Variants in TPM3 observed in about 807,000 individuals in gnomAD.
The protein encoded by TPM3 is tropomyosin alpha-3 chain.
Under a neutral mutation model 43.1 loss-of-function variants are expected in TPM3, and 16 were observed. The ratio of observed to expected loss-of-function variants is 0.37; its 90% CI spans 0.25 to 0.56. The LOEUF is 0.56. TPM3 is among the 20% of genes least tolerant of loss of function. The probability of loss-of-function intolerance (pLI) is 0.77; values close to 1 mark genes in which losing one functional copy is unlikely to be tolerated. For missense variants in TPM3, 176 were observed against 337.2 expected (o/e 0.52, Z 3.74); for synonymous variants, 101 against 116.9 (o/e 0.86, Z 0.88).
At chr1:154,168,306 G>A (rs1219253179) in intron 9 of TPM3, among the ~76,000 whole-genome samples, 5 of 152,172 alleles carry the variant, frequency 3.3e-5, no homozygotes, top group African/African-American at 1.2e-4. Context: ...ACACCCAGGA[G>A]GCCTGAATTT....
intron 2 of TPM3, chr1:154,183,531 C>G (rs997688397): frequency 3.5e-5 from 13 of 369,640 alleles, no homozygotes; most frequent in Admixed American, 2.3e-4. Context: ...CCCTCACTCC[C>G]GCAATGCCGA....
rs752733942 is a variant in TPM3 at position 154,172,914 on chromosome 1, G to C, written c.560C>G (p.Ala187Gly). Residue 187 changes from alanine to glycine, a missense_variant, in exon 5 of 10, where the codon GCA becomes GGA. Coordinates refer to ENST00000651641, the MANE Select transcript of TPM3 (RefSeq NM_152263.4). ...LERTEERAELAESKCSELEEE... is the reference protein window; with the variant it reads ...LERTEERAELGESKCSELEEE... Reference sequence around the variant, plus strand: ...TGGGGAGCTAGATACTCACGACTCTGCCAGCTCAGCTCGTTCCTCTGTGCG... The same window carrying C: ...TGGGGAGCTAGATACTCACGACTCTCCCAGCTCAGCTCGTTCCTCTGTGCG... 1.9e-6 allele frequency: 3 copies of C among 1,614,180 alleles called. No individual in the cohort carries two copies. The highest frequency in any genetic ancestry group is 1.7e-6 in the Non-Finnish European group (2 of 1,180,032).
Position 154,174,407 on chromosome 1 carries a change from T to TATATATACAC in TPM3, c.378-1207_378-1206insGTGTATATAT, listed in dbSNP as rs1261318136. 9.1e-3 allele frequency among the ~76,000 whole-genome samples: 659 copies of TATATATACAC among 72,450 alleles called. 8 individuals are homozygous for TATATATACAC. Among genetic ancestry groups the TATATATACAC allele is most frequent in the African/African-American group, 0.017 (335 of 19,852 alleles). The allele number at this position is 72,450 out of a possible 152,430, so 47.5% of individuals were successfully genotyped here. A position where few individuals can be genotyped will look rare whatever the true frequency, so the allele number is the denominator to read the frequency against. On this transcript the variant is annotated intron_variant, in intron 3 of 9. Transcript: ENST00000651641. ...ATATATATATATATATATATATATA[T>TATATATACAC]ACACACAAAAATCCCATCCCAGCTT...
downstream of TPM3, chr1:154,156,537 T>G (rs554023185): frequency 2.5e-5 from 5 of 202,128 alleles, no homozygotes; most frequent in Non-Finnish European, 5.1e-5. Context: ...CCTAGAAACC[T>G]TACCAGAAAA....
At chr1:154,189,847 G>A (rs1571453759) in intron 2 of TPM3, among the ~76,000 whole-genome samples, 1 of 151,348 alleles carries the variant, frequency 6.6e-6, no homozygotes, top group Non-Finnish European at 1.5e-5. Context: ...GAAACCGGAT[G>A]GCAGAGAGAC....
chr1:154,181,477 A>T (rs1558059082), intron 2 of TPM3, among the ~76,000 whole-genome samples: 4 of 152,222 alleles, frequency 2.6e-5, no homozygotes, highest in Non-Finnish European at 2.9e-5. Context: ...GAATTTTAGC[A>T]ACAGTTACTT....
intron 3 of TPM3, among the ~76,000 whole-genome samples, chr1:154,174,388 A>ATGTGTG (rs1662016028): frequency 9.7e-6 from 1 of 103,098 alleles, no homozygotes; most frequent in African/African-American, 4.3e-5. Context: ...ATATATATAT[A>ATGTGTG]TATATATATA....
At chr1:154,181,784 G>C (rs1046561322) in intron 2 of TPM3, among the ~76,000 whole-genome samples, 14 of 152,134 alleles carry the variant, frequency 9.2e-5, no homozygotes, top group Non-Finnish European at 1.6e-4. Flanking sequence ...AGCCAGACTT[G>C]GTGGCGGGCA....
chr1:154,191,238 G>A lies in TPM3; in HGVS notation c.191C>T (p.Ala64Val). 1 of 1,614,122 alleles carries A rather than the reference G, an allele frequency of 6.2e-7. No homozygotes were observed. The highest frequency in any genetic ancestry group is 8.5e-7 in the Non-Finnish European group (1 of 1,180,044). ...CAGCTTCTCCTGGGCATCCTTCAAAGCTTCAGAATACTTGTCCAGCTCATC... is the reference window on the plus strand; with the variant it reads ...CAGCTTCTCCTGGGCATCCTTCAAAACTTCAGAATACTTGTCCAGCTCATC... Reference protein sequence around the residue: ...TEDELDKYSEALKDAQEKLEL... With the variant: ...TEDELDKYSEVLKDAQEKLEL... The change falls in exon 2 of 10, where the codon GCT (alanine) becomes GTT (valine). Residue 64 changes from alanine (A) to valine (V), a missense_variant. Physicochemically the swap from Ala to Val is moderately conservative, Grantham distance 64. Transcript: ENST00000651641.
At chr1:154,159,429 G>C (rs1459562039), downstream of TPM3, among the ~76,000 whole-genome samples, 1 of 152,216 alleles carries the variant, frequency 6.6e-6, no homozygotes, top group Non-Finnish European at 1.5e-5. Context: ...GGTTTGAAAG[G>C]AATGGAAGTG....
Position 154,166,167 on chromosome 1 carries a change from T to C in TPM3, c.*1770A>G, listed in dbSNP as rs1184511697. 8.8e-6 allele frequency: 2 copies of C among 227,240 alleles called. No homozygotes were observed. Among genetic ancestry groups the C allele is most frequent in the African/African-American group, 4.4e-5 (2 of 45,050 alleles). 14.1% of individuals were successfully genotyped at this position (227,240 alleles called of 1,614,324 possible). On this transcript the variant is annotated 3_prime_UTR_variant, in exon 10 of 10. Coordinates refer to ENST00000651641, the MANE Select transcript of TPM3 (RefSeq NM_152263.4). ...TGGACAAAAGGAAACGTGAATTTGATATGACTTAAAGTTTTAGATTAAGGA... is the reference window on the plus strand; with the variant it reads ...TGGACAAAAGGAAACGTGAATTTGACATGACTTAAAGTTTTAGATTAAGGA...
chr1:154,159,186 C>A, downstream of TPM3: 1 of 675,290 alleles, frequency 1.5e-6, no homozygotes. Context: ...TAACATGCAT[C>A]TGTAAGGCAG....
intron 3 of TPM3, among the ~76,000 whole-genome samples, chr1:154,175,256 G>A (rs957197483): frequency 4.6e-5 from 7 of 151,686 alleles, no homozygotes; most frequent in Non-Finnish European, 8.8e-5. Flanking sequence ...GCGTGAACCC[G>A]GGAGGCGGAG....
At chr1:154,190,189 G>A (rs879911737) in intron 2 of TPM3, among the ~76,000 whole-genome samples, 14 of 152,238 alleles carry the variant, frequency 9.2e-5, no homozygotes, top group South Asian at 2.1e-4. Context: ...TGATCCACCC[G>A]CCTCGGCCTT....
chr1:154,190,055 C>A (rs1022826712), intron 2 of TPM3, among the ~76,000 whole-genome samples: 7 of 152,066 alleles, frequency 4.6e-5, no homozygotes, highest in African/African-American at 1.7e-4. Flanking sequence ...GATTCTCCTG[C>A]CTCAGCCTCC....
rs985118116 is a variant in TPM3, at chr1:154,165,916, A to G, written c.*2021T>C. ...GGATCAATCTCGTCCCCTCTACTCA[A>G]TTCCCATAACACTATTATTTGTGGC... is the stretch of plus-strand genomic sequence containing the variant. On this transcript the variant is annotated 3_prime_UTR_variant, in exon 10 of 10. Coordinates refer to ENST00000651641, the MANE Select transcript of TPM3 (RefSeq NM_152263.4). Among the ~76,000 whole-genome samples the G allele has an allele frequency of 6.6e-6, 1 of 152,136 alleles. No homozygotes were observed. The highest frequency in any genetic ancestry group is 2.4e-5 in the African/African-American group (1 of 41,422).
intron 1 of TPM3, 191 bp from the exon 2 acceptor site, chr1:154,191,502 T>C: frequency 1.5e-6 from 2 of 1,311,176 alleles, no homozygotes; most frequent in South Asian, 1.4e-5. Flanking sequence ...CTGTAATCTC[T>C]GATCCTAAGA....
chr1:154,182,729 A>T (rs1316608459), intron 2 of TPM3, among the ~76,000 whole-genome samples: 1 of 151,872 alleles, frequency 6.6e-6, no homozygotes, highest in African/African-American at 2.4e-5. Flanking sequence ...GTGGAGAAAA[A>T]AAGAGGAGGA....
At chr1:154,184,602 A>G (rs1290844769) in intron 2 of TPM3, among the ~76,000 whole-genome samples, 1 of 152,204 alleles carries the variant, frequency 6.6e-6, no homozygotes, top group Non-Finnish European at 1.5e-5. Flanking sequence ...CCATTTTATC[A>G]GGAAGAAATC....
Sources: gnomAD v4.1 joint callset for allele counts (sites outside exome capture counted in the v4.1 genomes callset) on GRCh38, gnomAD v4.1.1 for gene constraint, MANE v1.5 for transcripts, NCBI Gene and HGNC (gene_info 2026-07-23, HGNC 2026-07-21) for gene names.